The following EPS8L2 variants were observed in gnomAD, a reference collection of about 807,000 sequenced individuals.
EPS8L2 encodes the protein epidermal growth factor receptor kinase substrate 8-like protein 2.
Under a neutral mutation model 99.4 loss-of-function variants are expected in EPS8L2, and 81 were observed. The ratio of observed to expected loss-of-function variants is 0.82; its 90% CI spans 0.68 to 0.98. EPS8L2 has a LOEUF of 0.98. Among genes scored for constraint, EPS8L2 ranks in the 50% least tolerant of loss-of-function variants. The pLI is 0.00. For missense variants in EPS8L2, 1,155 were observed against 968.8 expected, an observed-to-expected ratio of 1.19 and a Z score of -2.55; for synonymous variants, 509 against 407.3, an observed-to-expected ratio of 1.25 and a Z score of -3.01.
chr11:709,963 T>C (rs1590046134), intron 3 of EPS8L2: 1 of 413,500 alleles, frequency 2.4e-6, no homozygotes, highest in Non-Finnish European at 4.5e-6. Context: ...CACTCTGCCC[T>C]TCCCCAGAGA....
At chr11:726,836 G>A (rs1862344395) in intron 20 of EPS8L2, 65 bp from the exon 21 acceptor site, 1 of 1,588,714 alleles carries the variant, frequency 6.3e-7, no homozygotes, top group Non-Finnish European at 8.6e-7. Context: ...CGCAGAGCAA[G>A]GGGGAGGCCG....
At chr11:717,312 T>G (rs1862048495) in intron 4 of EPS8L2, among the ~76,000 whole-genome samples, 1 of 152,204 alleles carries the variant, frequency 6.6e-6, no homozygotes, top group South Asian at 2.1e-4. Flanking sequence ...GCCCACTTCT[T>G]TAACCTGTTG....
rs943800122 is a variant in EPS8L2 at position 722,177 on chromosome 11, C to A, written c.1059+12C>A. 1 of 1,611,096 alleles carries A rather than the reference C, an allele frequency of 6.2e-7. No individual in the cohort carries two copies. Among genetic ancestry groups the A allele is most frequent in the Non-Finnish European group, 8.5e-7 (1 of 1,179,148 alleles). On this transcript the variant is annotated intron_variant, in intron 12 of 20. Transcript: ENST00000318562. ...GGCCTCTGGACCTGGTGCCTGGGGC[C>A]GGGCGGCAGGGGCGCGCAGGGTGGG...
Position 710,480 on chromosome 11 carries a change from C to A in EPS8L2, c.159C>A (p.His53Gln), listed in dbSNP as rs746624745. 2.5e-6 allele frequency: 4 copies of A among 1,613,560 alleles called. No individual in the cohort carries two copies. In the African/African-American group the frequency reaches 4.0e-5, roughly 16 times the overall value. Residue 53 changes from histidine (H) to glutamine (Q), a missense_variant, in exon 4 of 21, where the codon CAC becomes CAA. Physicochemically the swap from His to Gln is conservative, Grantham distance 24 (BLOSUM62 0). Transcript: ENST00000318562. ...TCATGCACGAGACCTCGCAGTACCA[C>A]GTCCAGGTAAGGCCCCGCCCCCAGG... Reference protein sequence around the residue: ...NVIMHETSQYHVQHLATFIMD... With the variant: ...NVIMHETSQYQVQHLATFIMD...
intron 11 of EPS8L2, 45 bp downstream of exon 11, chr11:722,036 G>A (rs781597856): frequency 2.5e-6 from 4 of 1,607,938 alleles, no homozygotes; most frequent in African/African-American, 2.7e-5. Flanking sequence ...TGTGCTGAGG[G>A]GAGGGTGGAG....
chr11:710,521 G>C (rs766405129), intron 4 of EPS8L2, 35 bp downstream of exon 4: 1 of 1,583,480 alleles, frequency 6.3e-7, no homozygotes, highest in South Asian at 1.1e-5. Context: ...TCCGCCCCCA[G>C]GGAGCACCCT....
intron 4 of EPS8L2, among the ~76,000 whole-genome samples, chr11:712,879 G>A (rs763887328): frequency 1.3e-5 from 2 of 152,246 alleles, no homozygotes; most frequent in Non-Finnish European, 2.9e-5. Flanking sequence ...AGCAGTGGCC[G>A]AGTTCACTTT....
At chr11:726,859 G>C in intron 20 of EPS8L2, 42 bp from the exon 21 acceptor site, 1 of 1,600,316 alleles carries the variant, frequency 6.2e-7, no homozygotes, top group Non-Finnish European at 8.5e-7. Flanking sequence ...ACCCAGACAC[G>C]TGGGACCCCC....
chr11:721,780 C>T lies in EPS8L2; in HGVS notation c.895+89C>T, dbSNP rs1167589232. On this transcript the variant is annotated intron_variant, in intron 10 of 20. Coordinates refer to ENST00000318562, the MANE Select transcript of EPS8L2 (RefSeq NM_022772.4). ...GGACGGGGACGGGGCCAGGGACATC[C>T]ATGGGGGCTACTCATGGAGGTGGAG... is the stretch of plus-strand genomic sequence containing the variant. The T allele has an allele frequency of 2.0e-6, 3 of 1,525,556 alleles. No individual in the cohort carries two copies. The East Asian group carries it at 6.9e-5, about 35-fold the overall frequency. The allele number at this position is 1,525,556 out of a possible 1,614,324, so 94.5% of individuals were successfully genotyped here. A position where few individuals can be genotyped will look rare whatever the true frequency, so the allele number is the denominator to read the frequency against.
intron 7 of EPS8L2, 33 bp from the exon 8 acceptor site, chr11:721,031 G>T: frequency 7.0e-7 from 1 of 1,427,520 alleles, no homozygotes; most frequent in South Asian, 1.4e-5. Flanking sequence ...GTGCGTTCCC[G>T]GCGGGGCTGA....
chr11:710,541 G>A, intron 4 of EPS8L2, 55 bp downstream of exon 4: 2 of 1,461,826 alleles, frequency 1.4e-6, no homozygotes, highest in South Asian at 1.1e-5. Flanking sequence ...TCAGGACATG[G>A]CTGTCCTCAG....
intron 7 of EPS8L2, 73 bp from the exon 8 acceptor site, chr11:720,991 G>GGGAGGAGCCCGGCAGGGGAGT: frequency 6.8e-7 from 1 of 1,463,160 alleles, no homozygotes; most frequent in Non-Finnish European, 9.2e-7. Flanking sequence ...GGCAGGGGAG[G>GGGAGGAGCCCGGCAGGGGAGT]GGAGGAGCCC....
intron 4 of EPS8L2, among the ~76,000 whole-genome samples, chr11:718,196 G>A (rs1165181094): frequency 6.6e-6 from 1 of 151,884 alleles, no homozygotes; most frequent in Non-Finnish European, 1.5e-5. Context: ...AGTCGGGTGT[G>A]GTGGTGGGTG....
chr11:722,368 C>A, intron 12 of EPS8L2, 33 bp from the exon 13 acceptor site: 1 of 1,606,336 alleles, frequency 6.2e-7, no homozygotes, highest in Non-Finnish European at 8.5e-7. Flanking sequence ...GGTCTGTGGG[C>A]CTCAGTCCCC....
intron 9 of EPS8L2, 21 bp downstream of exon 9, chr11:721,373 G>A (rs1333152059): frequency 1.3e-6 from 2 of 1,539,266 alleles, no homozygotes; most frequent in Admixed American, 2.0e-5. Flanking sequence ...GGGCCCGGCA[G>A]GTGGCCCCTC....
intron 10 of EPS8L2, 39 bp downstream of exon 10, chr11:721,730 CG>C: frequency 1.6e-6 from 2 of 1,275,184 alleles, no homozygotes; most frequent in Non-Finnish European, 2.1e-6. Context: ...GTGCAGGGGA[CG>C]GGGCCAGCAG....
chr11:721,333 A>G lies in EPS8L2; in HGVS notation c.749A>G (p.Gln250Arg). ...GAGGAGCCGCGGGCCGTGCTGGCTC[A>G]GAAGATAGAGAAGGAGACGGTGGGT... ...SQEEPRAVLA[Q>R]KIEKETQILN... Residue 250 changes from glutamine (Q) to arginine (R), a missense_variant, in exon 9 of 21, where the codon CAG (glutamine) becomes CGG (arginine). Transcript: ENST00000318562. 1 of 1,539,340 alleles carries G rather than the reference A, an allele frequency of 6.5e-7. No individual in the cohort carries two copies. Among genetic ancestry groups the G allele is most frequent in the Non-Finnish European group, 8.7e-7 (1 of 1,146,430 alleles).
rs753030452 is a variant in EPS8L2 at position 725,788 on chromosome 11, G to A, written c.1621G>A (p.Val541Met). Residue 541 changes from valine (V) to methionine (M), a missense_variant, in exon 17 of 21, where the codon GTG becomes ATG. Coordinates refer to ENST00000318562, the MANE Select transcript of EPS8L2 (RefSeq NM_022772.4). ...CAGCCGCAGCGGCCAGGCGGGGTAC[G>A]TGCCCTGCAACATCCTAGGCGAGGC... ...LRSRSGQAGY[V>M]PCNILGEARP... 2.9e-6 allele frequency: 4 copies of A among 1,372,046 alleles called. No individual in the cohort carries two copies. Among genetic ancestry groups the A allele is most frequent in the African/African-American group, 1.5e-5 (1 of 66,534 alleles). The allele number at this position is 1,372,046 out of a possible 1,614,324, so 85.0% of individuals were successfully genotyped here. A position where few individuals can be genotyped will look rare whatever the true frequency, so the allele number is the denominator to read the frequency against.
chr11:721,228 G>A lies in EPS8L2; in HGVS notation c.700+22G>A, dbSNP rs528878338. The A allele has an allele frequency of 7.6e-4, 1,165 of 1,533,796 alleles. 22 individuals carry two copies. In the South Asian group the frequency reaches 0.013, roughly 17 times the overall value. On this transcript the variant is annotated intron_variant, in intron 8 of 20. Transcript: ENST00000318562. ...CCAGGTGGGCCGAGGGGCTGGAGGG[G>A]GCTCCACAGGGCTCGTTGTGGGGGG...
Sources: gnomAD v4.1 joint callset for allele counts (sites outside exome capture counted in the v4.1 genomes callset) on GRCh38, gnomAD v4.1.1 for gene constraint, MANE v1.5 for transcripts, NCBI Gene and HGNC (gene_info 2026-07-23, HGNC 2026-07-21) for gene names.